The following ZBTB38 variants were observed in gnomAD, a reference collection of about 807,000 sequenced individuals.
ZBTB38 encodes the protein zinc finger and BTB domain-containing protein 38.
A neutral mutation model predicts 76.8 loss-of-function variants in ZBTB38; 20 were observed. The ratio of observed to expected loss-of-function variants is 0.26; its 90% CI spans 0.18 to 0.38. The LOEUF (loss-of-function observed/expected upper bound fraction) is 0.38, where lower values mean the gene tolerates loss of function less well. Among genes scored for constraint, ZBTB38 ranks in the 10% least tolerant of loss-of-function variants. The probability of loss-of-function intolerance (pLI) is 1.00; values close to 1 mark genes in which losing one functional copy is unlikely to be tolerated. For synonymous variants in ZBTB38, 504 were observed against 544.2 expected (o/e 0.93, Z 1.03); for missense variants, 1,082 against 1,482.3 (o/e 0.73, Z 4.43).
At chr3:141,348,647 G>A (rs1943432449) in intron 1 of ZBTB38, among the ~76,000 whole-genome samples, 1 of 152,164 alleles carries the variant, frequency 6.6e-6, no homozygotes, top group South Asian at 2.1e-4. Context: ...CAAGCTTAAA[G>A]GACTGTACAA....
intron 1 of ZBTB38, among the ~76,000 whole-genome samples, chr3:141,337,820 G>A (rs1045899348): frequency 3.9e-5 from 6 of 152,148 alleles, no homozygotes; most frequent in African/African-American, 1.4e-4. Flanking sequence ...CATTTTTGCA[G>A]GGAAGAAAAC....
intron 4 of ZBTB38, among the ~76,000 whole-genome samples, chr3:141,390,858 T>C (rs1228773565): frequency 6.6e-6 from 1 of 152,114 alleles, no homozygotes; most frequent in Non-Finnish European, 1.5e-5. Flanking sequence ...AATTAAAAAT[T>C]TTAAAATGAA....
rs146641779 is a variant in ZBTB38 at position 141,391,124 on chromosome 3, C to T, written c.-106+4187C>T. Among the ~76,000 whole-genome samples the T allele has an allele frequency of 2.6e-3, 392 of 152,028 alleles. 1 individual carries two copies. Among genetic ancestry groups the T allele is most frequent in the African/African-American group, 9.2e-3 (383 of 41,466 alleles). On this transcript the variant is annotated intron_variant, in intron 4 of 5. Transcript: ENST00000321464. ...GCAGTGAGCTAGAATCATACTACTG[C>T]ACTCCAGCCTGGGCAAAAAAGCAAG...
At chr3:141,346,318 T>TC (rs1459301026) in intron 1 of ZBTB38, among the ~76,000 whole-genome samples, 1 of 152,198 alleles carries the variant, frequency 6.6e-6, no homozygotes, top group Non-Finnish European at 1.5e-5. Flanking sequence ...TAGGGGATTT[T>TC]CTCTGTGAAT....
chr3:141,355,533 C>A (rs1306810093), intron 1 of ZBTB38, among the ~76,000 whole-genome samples: 1 of 152,028 alleles, frequency 6.6e-6, no homozygotes, highest in Admixed American at 6.5e-5. Context: ...GTGCTTGTCT[C>A]CCCTGGCCAC....
At chr3:141,363,446 T>A (rs1188957100) in intron 1 of ZBTB38, among the ~76,000 whole-genome samples, 1 of 152,208 alleles carries the variant, frequency 6.6e-6, no homozygotes. Context: ...CAAACGATTT[T>A]GAAAGAGAAC....
At chr3:141,418,000 G>A (rs1042464360) in intron 5 of ZBTB38, among the ~76,000 whole-genome samples, 8 of 152,076 alleles carry the variant, frequency 5.3e-5, no homozygotes, top group South Asian at 2.1e-4. Flanking sequence ...GTGACAGAGC[G>A]AGACTCATCT....
rs1943165885 is a variant in ZBTB38 at position 141,340,949 on chromosome 3, G to GAAAAGAAAAGAAAAGAAAAGAAAAGAAAA, written c.-739+16493_-739+16494insAAAAGAAAAGAAAAGAAAAGAAAAGAAAA. Among the ~76,000 whole-genome samples the GAAAAGAAAAGAAAAGAAAAGAAAAGAAAA allele has an allele frequency of 7.6e-3, 849 of 111,856 alleles. 7 individuals are homozygous for GAAAAGAAAAGAAAAGAAAAGAAAAGAAAA. The highest frequency in any genetic ancestry group is 0.011 in the Non-Finnish European group (623 of 57,826). The allele number at this position is 111,856 out of a possible 152,430, so 73.4% of individuals were successfully genotyped here. A position where few individuals can be genotyped will look rare whatever the true frequency, so the allele number is the denominator to read the frequency against. On this transcript the variant is annotated intron_variant, in intron 1 of 7. Transcript: ENST00000509842. ...GGAAAAAAGAAAAGAAAAGAAAGAA[G>GAAAAGAAAAGAAAAGAAAAGAAAAGAAAA]GAAAGAAAGAAAGAAAGAAAGAAAG...
chr3:141,346,779 GT>G (rs1553760842), intron 1 of ZBTB38, among the ~76,000 whole-genome samples: 2 of 85,584 alleles, frequency 2.3e-5, no homozygotes, highest in Admixed American at 1.3e-4. Context: ...TTTTTGTTTT[GT>G]TTTGTGTGTG....
At chr3:141,433,591 C>T (rs1170888011) in intron 5 of ZBTB38, among the ~76,000 whole-genome samples, 1 of 152,034 alleles carries the variant, frequency 6.6e-6, no homozygotes, top group African/African-American at 2.4e-5. Flanking sequence ...ATAAATCCAA[C>T]TGAATAATAA....
upstream of ZBTB38, among the ~76,000 whole-genome samples, chr3:141,365,430 T>C (rs1943937993): frequency 6.6e-6 from 1 of 152,026 alleles, no homozygotes; most frequent in African/African-American, 2.4e-5. Flanking sequence ...CATGGCAAGG[T>C]GGCTGAGAGT....
Position 141,371,809 on chromosome 3 carries a change from A to G in ZBTB38, c.-235+1863A>G, listed in dbSNP as rs952501201. Among the ~76,000 whole-genome samples the G allele has an allele frequency of 3.3e-5, 5 of 152,228 alleles. 1 individual carries two copies. The highest frequency in any genetic ancestry group is 7.3e-5 in the Non-Finnish European group (5 of 68,032). On this transcript the variant is annotated intron_variant, in intron 2 of 5. Coordinates refer to ENST00000321464, the MANE Select transcript of ZBTB38 (RefSeq NM_001376113.1). The stretch of plus-strand genomic sequence containing the variant: ...AGCTCTGTTTGGAGAACTTTTAATA[A>G]GTTTAACATTTTATGTAACCTTCTA...
At position 141,446,857 on chromosome 3, in the gene ZBTB38, G is replaced by A. The variant is rs2081136428; in HGVS notation, c.*881G>A. 2.0e-5 allele frequency: 3 copies of A among 152,648 alleles called. No homozygotes were observed. The highest frequency in any genetic ancestry group is 2.0e-4 in the Admixed American group (3 of 15,284). 9.5% of individuals were successfully genotyped at this position (152,648 alleles called of 1,614,324 possible). A position where few individuals can be genotyped will look rare whatever the true frequency, so the allele number is the denominator to read the frequency against. ...TCCCAGAATTTACCTGTGATTACCT[G>A]TGCTGCATATTACTTTGCAATGGCC... On this transcript the variant is annotated 3_prime_UTR_variant, in exon 6 of 6. Coordinates refer to ENST00000321464, the MANE Select transcript of ZBTB38 (RefSeq NM_001376113.1).
chr3:141,434,897 C>T (rs2078407204), intron 5 of ZBTB38, among the ~76,000 whole-genome samples: 2 of 152,088 alleles, frequency 1.3e-5, no homozygotes, highest in Non-Finnish European at 2.9e-5. Context: ...CTTTGGGAGG[C>T]CAAGGTGGGA....
At position 141,448,154 on chromosome 3, in the gene ZBTB38, A is replaced by G. The variant is rs1419802190; in HGVS notation, c.*2178A>G. The G allele has an allele frequency of 6.6e-6, 1 of 152,634 alleles. No homozygotes were observed. Among genetic ancestry groups the G allele is most frequent in the African/African-American group, 2.4e-5 (1 of 41,450 alleles). The allele number at this position is 152,634 out of a possible 1,614,324, so 9.5% of individuals were successfully genotyped here. A position where few individuals can be genotyped will look rare whatever the true frequency, so the allele number is the denominator to read the frequency against. On this transcript the variant is annotated 3_prime_UTR_variant, in exon 6 of 6. Transcript: ENST00000321464. Reference sequence around the variant, plus strand: ...GTCATTTTGATTTGAGTTAACCCCAAATATAAAATTACCTGTAGTGATGTC... The same window carrying G: ...GTCATTTTGATTTGAGTTAACCCCAGATATAAAATTACCTGTAGTGATGTC...
upstream of ZBTB38, among the ~76,000 whole-genome samples, chr3:141,364,827 A>C (rs1405273514): frequency 6.6e-6 from 1 of 152,148 alleles, no homozygotes; most frequent in Admixed American, 6.6e-5. Flanking sequence ...AATGCAGTTC[A>C]AAATCACAAT....
chr3:141,400,067 G>T (rs968437910), intron 4 of ZBTB38, among the ~76,000 whole-genome samples: 3 of 141,092 alleles, frequency 2.1e-5, no homozygotes, highest in Non-Finnish European at 3.0e-5. Flanking sequence ...CATGTTTAGT[G>T]GTCTTGAAAA....
rs140743466 is a variant in ZBTB38 at position 141,430,687 on chromosome 3, G to A, written c.1-11702G>A. On this transcript the variant is annotated intron_variant, in intron 5 of 5. Transcript: ENST00000321464. Reference sequence around the variant, plus strand: ...GGAGCGGCAGTGCAGTGGGGGAGGCGGATTTAGATTTAACACCAGAGCAGC... The same window carrying A: ...GGAGCGGCAGTGCAGTGGGGGAGGCAGATTTAGATTTAACACCAGAGCAGC... Among the ~76,000 whole-genome samples, 402 of 152,258 alleles carry A rather than the reference G, an allele frequency of 2.6e-3. 4 individuals carry two copies. Among genetic ancestry groups the A allele is most frequent in the East Asian group, 0.016 (81 of 5,184 alleles).
exon 1 of ZBTB38, chr3:141,324,283 G>C (rs1443386378): frequency 6.6e-6 from 1 of 152,192 alleles, no homozygotes; most frequent in South Asian, 2.1e-4. Flanking sequence ...TTTTCTAGGA[G>C]GGCTTTCCTG....
Sources: allele counts gnomAD v4.1 joint callset (sites outside exome capture counted in the v4.1 genomes callset), GRCh38; gene constraint gnomAD v4.1.1; transcripts MANE v1.5; gene names NCBI Gene and HGNC (gene_info 2026-07-23, HGNC 2026-07-21).